The following TTLL1 variants were observed in gnomAD, a reference collection of about 807,000 sequenced individuals.
The protein encoded by TTLL1 is TTL family tubulin polyglutamylase complex subunit L1.
A neutral mutation model predicts 47.8 loss-of-function variants in TTLL1; 33 were observed. The observed-to-expected ratio is 0.69, with a 90% CI of 0.52 to 0.92. The LOEUF is 0.92. TTLL1 is among the 40% of genes least tolerant of loss of function. The pLI, the probability that TTLL1 is intolerant of heterozygous loss-of-function variation, is 0.00. For missense variants in TTLL1, 488 were observed against 547.5 expected, an observed-to-expected ratio of 0.89 and a Z score of 1.08; for synonymous variants, 225 against 214.1, an observed-to-expected ratio of 1.05 and a Z score of -0.45.
intron 8 of TTLL1, among the ~76,000 whole-genome samples, chr22:43,058,877 G>A (rs1474600164): frequency 6.6e-6 from 1 of 151,614 alleles, no homozygotes; most frequent in East Asian, 1.9e-4. Flanking sequence ...TGTATGTTTC[G>A]TAGAGACAGG....
At chr22:43,077,869 G>A (rs963929564) in intron 2 of TTLL1, among the ~76,000 whole-genome samples, 2 of 152,158 alleles carry the variant, frequency 1.3e-5, no homozygotes, top group East Asian at 3.9e-4. Flanking sequence ...CACTTTGAGA[G>A]GCCGAGGCAG....
In TTLL1 at chr22:43,071,035, C is replaced by T. The variant is rs562415890; in HGVS notation, c.114-1191G>A. Among the ~76,000 whole-genome samples, 24 of 152,178 alleles carry T rather than the reference C, an allele frequency of 1.6e-4. No individual in the cohort carries two copies. In the South Asian group the frequency reaches 5.0e-3, roughly 32 times the overall value. On this transcript the variant is annotated intron_variant, in intron 3 of 10. Coordinates refer to ENST00000266254, the MANE Select transcript of TTLL1 (RefSeq NM_012263.5). ...TCAAGCAATCCTCCTCTCTCAGCTT[C>T]CCAAGTAGCTGGGACTACAGGAAGG...
In TTLL1 at chr22:43,056,302, T is replaced by C. The variant is rs576962889; in HGVS notation, c.891+3082A>G. Among the ~76,000 whole-genome samples the C allele has an allele frequency of 9.7e-5, 14 of 144,502 alleles. No individual in the cohort carries two copies. In the South Asian group the frequency reaches 2.4e-3, roughly 25 times the overall value. The allele number at this position is 144,502 out of a possible 152,430, so 94.8% of individuals were successfully genotyped here. ...TGAACCTGGGAGGCGGAGGTTGCAG[T>C]GAGCCGAGATCGCATCACTGCACTC... On this transcript the variant is annotated intron_variant, in intron 8 of 10. Transcript: ENST00000266254.
rs1925965243 is a variant in TTLL1, at chr22:43,044,713, C to G, written c.1142+1697G>C. Among the ~76,000 whole-genome samples, 3 of 152,268 alleles carry G rather than the reference C, an allele frequency of 2.0e-5. No homozygotes were observed. In the South Asian group the frequency reaches 6.2e-4, roughly 32 times the overall value. On this transcript the variant is annotated intron_variant, in intron 10 of 10. Transcript: ENST00000266254. ...GTCCTTCCATGTTTCCCTGCTCATG[C>G]ATTCGCATGTAAGCCACCGCACATG... is the stretch of plus-strand genomic sequence containing the variant.
chr22:43,082,218 A>G (rs1346165030), intron 1 of TTLL1, among the ~76,000 whole-genome samples: 1 of 151,636 alleles, frequency 6.6e-6, no homozygotes, highest in Non-Finnish European at 1.5e-5. Context: ...AATATCTACA[A>G]AGGCTCCAGA....
At position 43,063,840 on chromosome 22, in the gene TTLL1, G is replaced by A. The variant is rs1052160; in HGVS notation, c.720C>T (p.Leu240=). 0.27 allele frequency: 432,113 copies of A among 1,613,586 alleles called. 61,885 individuals carry two copies. Among genetic ancestry groups the A allele is most frequent in the Middle Eastern group, 0.37 (2,269 of 6,062 alleles). Residue 240 remains leucine (L), a synonymous_variant, in exon 7 of 11, where the codon CTC becomes CTT. Coordinates refer to ENST00000266254, the MANE Select transcript of TTLL1 (RefSeq NM_012263.5). The stretch of plus-strand genomic sequence containing the variant: ...CGTGTTTCTGGATGGCGACGTTGGT[G>A]AGATGAACGAACATGTTGTCCAGCT... ...TSELDNMFVH[L]TNVAIQKHGE...
At chr22:43,046,650 A>C in intron 9 of TTLL1, 77 bp from the exon 10 acceptor site, 1 of 1,527,926 alleles carries the variant, frequency 6.5e-7, no homozygotes, top group Non-Finnish European at 9.0e-7. Flanking sequence ...GCAGAAGGAG[A>C]TGCTGGCTGC....
intron 5 of TTLL1, among the ~76,000 whole-genome samples, chr22:43,065,835 C>A (rs949397854): frequency 9.2e-5 from 14 of 152,016 alleles, no homozygotes; most frequent in Admixed American, 8.5e-4. Context: ...AAAAAAAAAT[C>A]TCTGTATCTT....
chr22:43,058,694 G>T (rs1171382952), intron 8 of TTLL1, among the ~76,000 whole-genome samples: 11 of 144,312 alleles, frequency 7.6e-5, no homozygotes, highest in African/African-American at 2.5e-4. Flanking sequence ...GTTTTTTTTT[G>T]TTTTTTTTTT....
At chr22:43,077,804 T>C (rs1028930352) in intron 2 of TTLL1, among the ~76,000 whole-genome samples, 4 of 152,086 alleles carry the variant, frequency 2.6e-5, no homozygotes, top group Non-Finnish European at 4.4e-5. Context: ...AATTCACACG[T>C]TGTACTTAAG....
At position 43,059,543 on chromosome 22, in the gene TTLL1, C is replaced by T. The variant is rs149518572; in HGVS notation, c.748-16G>A. The T allele has an allele frequency of 2.9e-4, 460 of 1,607,718 alleles. 5 individuals are homozygous for T. In the East Asian group the frequency reaches 5.4e-3, roughly 19 times the overall value. ...TGTAGTCCTCCTGGTGACGGGAAAG[C>T]GGGCAGGCATCCCTCAGGCTATGCA... On this transcript the variant is annotated splice_polypyrimidine_tract_variant and intron_variant, in intron 7 of 10. Transcript: ENST00000266254.
At chr22:43,066,370 G>A (rs1257985922) in intron 5 of TTLL1, among the ~76,000 whole-genome samples, 6 of 152,038 alleles carry the variant, frequency 3.9e-5, no homozygotes, top group Middle Eastern at 3.4e-3. Flanking sequence ...CAGTCCCCAG[G>A]AGTCCACTCA....
chr22:43,065,350 C>T (rs6003020), intron 5 of TTLL1, among the ~76,000 whole-genome samples: 13,991 of 149,198 alleles, frequency 0.094, 857 homozygotes, highest in African/African-American at 0.17. Flanking sequence ...AGTGCACTGG[C>T]GTGATCTTGG....
At chr22:43,055,386 C>G (rs1926932289) in intron 8 of TTLL1, among the ~76,000 whole-genome samples, 2 of 151,994 alleles carry the variant, frequency 1.3e-5, no homozygotes, top group Admixed American at 6.6e-5. Flanking sequence ...GGCTGGAGTG[C>G]ACTGGTGTGA....
intron 4 of TTLL1, 157 bp downstream of exon 4, chr22:43,069,479 C>T: frequency 7.4e-7 from 1 of 1,355,286 alleles, no homozygotes; most frequent in Non-Finnish European, 9.9e-7. Flanking sequence ...CTCCTTCTCC[C>T]TCATTCTGGA....
chr22:43,082,742 G>A (rs1017826345), intron 1 of TTLL1, among the ~76,000 whole-genome samples: 11 of 142,592 alleles, frequency 7.7e-5, no homozygotes, highest in African/African-American at 1.0e-4. Context: ...GGCTGCGCGC[G>A]GTGGCTCATG....
intron 2 of TTLL1, among the ~76,000 whole-genome samples, chr22:43,079,130 ATGGGAG>A (rs1373327876): frequency 7.0e-5 from 7 of 100,056 alleles, no homozygotes; most frequent in Non-Finnish European, 1.2e-4. Flanking sequence ...CACGGGGACC[ATGGGAG>A]CCGCACCCCA....
rs60472260 is a variant in TTLL1 at position 43,054,723 on chromosome 22, CT to C, written c.892-2837del. 2.7e-3 allele frequency among the ~76,000 whole-genome samples: 262 copies of C among 95,766 alleles called. 4 individuals are homozygous for C. In the South Asian group the frequency reaches 0.043, roughly 16 times the overall value. 62.8% of individuals were successfully genotyped at this position (95,766 alleles called of 152,430 possible). A position where few individuals can be genotyped will look rare whatever the true frequency, so the allele number is the denominator to read the frequency against. On this transcript the variant is annotated intron_variant, in intron 8 of 10. Transcript: ENST00000266254. ...ACAAGCATGAGCCACTGCACCTGGCCTTTTTTTTTTTTTTTTTTTTGAGACG... is the reference window on the plus strand; with the variant it reads ...ACAAGCATGAGCCACTGCACCTGGCCTTTTTTTTTTTTTTTTTTTGAGACG...
chr22:43,063,224 C>T (rs759450161), intron 7 of TTLL1, among the ~76,000 whole-genome samples: 1 of 152,156 alleles, frequency 6.6e-6, no homozygotes, highest in Admixed American at 6.6e-5. Flanking sequence ...GAGAGTTACA[C>T]TGACTTGCCC....
Sources: allele counts gnomAD v4.1 joint callset (sites outside exome capture counted in the v4.1 genomes callset), GRCh38; gene constraint gnomAD v4.1.1; transcripts MANE v1.5; gene names NCBI Gene and HGNC (gene_info 2026-07-23, HGNC 2026-07-21).